AUTS2: variants seen among roughly 807,000 people sequenced by gnomAD.
AUTS2 encodes the protein autism susceptibility gene 2 protein.
Under a neutral mutation model 112.4 loss-of-function variants are expected in AUTS2, and 17 were observed. The observed-to-expected ratio is 0.15, with a 90% CI of 0.10 to 0.23. The LOEUF is 0.23. Among genes scored for constraint, AUTS2 ranks in the 10% least tolerant of loss-of-function variants. AUTS2 has a pLI of 1.00. For synonymous variants in AUTS2, 751 were observed against 702.7 expected (o/e 1.07, Z -1.09); for missense variants, 1,510 against 1,701.6 (o/e 0.89, Z 1.98).
At chr7:69,662,994 A>T (rs1795875039) in intron 1 of AUTS2, among the ~76,000 whole-genome samples, 1 of 152,194 alleles carries the variant, frequency 6.6e-6, no homozygotes, top group Admixed American at 6.5e-5. Flanking sequence ...TTACAAGTGG[A>T]TGTTATTAAA....
At position 70,270,928 on chromosome 7, in the gene AUTS2, G is replaced by C. The variant is rs193058219; in HGVS notation, c.660+136357G>C. 5.3e-5 allele frequency among the ~76,000 whole-genome samples: 8 copies of C among 152,270 alleles called. No homozygotes were observed. In the East Asian group the frequency reaches 1.5e-3, roughly 29 times the overall value. ...ATCACATTGGGCTTGACTGAAGACA[G>C]AAGTCCTTGAGCATCCTTCCCCTGA... On this transcript the variant is annotated intron_variant, in intron 4 of 18. Transcript: ENST00000342771.
chr7:70,355,752 A>T (rs1791981594), intron 4 of AUTS2, among the ~76,000 whole-genome samples: 1 of 152,150 alleles, frequency 6.6e-6, no homozygotes, highest in East Asian at 1.9e-4. Flanking sequence ...ACTGCAGCTG[A>T]TATATGACAC....
At chr7:70,701,846 T>A (rs954816632) in intron 6 of AUTS2, among the ~76,000 whole-genome samples, 4 of 152,222 alleles carry the variant, frequency 2.6e-5, no homozygotes, top group African/African-American at 9.6e-5. Context: ...TCTGTCTTTG[T>A]GATTCAACCA....
At chr7:69,872,701 G>A (rs1017040592) in intron 1 of AUTS2, among the ~76,000 whole-genome samples, 8 of 151,826 alleles carry the variant, frequency 5.3e-5, no homozygotes, top group African/African-American at 1.9e-4. Context: ...TACAGTGGTT[G>A]GTAGGAAGTA....
chr7:70,668,115 G>A (rs1807441488), intron 5 of AUTS2, among the ~76,000 whole-genome samples: 1 of 152,192 alleles, frequency 6.6e-6, no homozygotes, highest in Non-Finnish European at 1.5e-5. Flanking sequence ...ACGTAGGTGG[G>A]ACTTTAGGTG....
At chr7:69,763,132 C>G (rs1048532334) in intron 1 of AUTS2, among the ~76,000 whole-genome samples, 24 of 152,152 alleles carry the variant, frequency 1.6e-4, no homozygotes, top group African/African-American at 5.6e-4. Context: ...TGCATCACAC[C>G]TTTTAATAAG....
At chr7:69,761,239 G>A (rs1346978837) in intron 1 of AUTS2, among the ~76,000 whole-genome samples, 2 of 152,226 alleles carry the variant, frequency 1.3e-5, no homozygotes, top group African/African-American at 2.4e-5. Context: ...ACCTGGATTA[G>A]CTGGATAAAG....
chr7:70,383,540 G>C (rs1049113619), intron 4 of AUTS2, among the ~76,000 whole-genome samples: 4 of 152,198 alleles, frequency 2.6e-5, no homozygotes, highest in African/African-American at 9.6e-5. Flanking sequence ...TCTATCTTAT[G>C]AGTAGCTAAA....
chr7:70,229,296 T>C (rs1275112991), intron 4 of AUTS2, among the ~76,000 whole-genome samples: 1 of 152,126 alleles, frequency 6.6e-6, no homozygotes, highest in Admixed American at 6.6e-5. Context: ...AGGGGATTTC[T>C]TAATTTTGCC....
At position 69,645,967 on chromosome 7, in the gene AUTS2, A is replaced by AT. The variant is rs751243685; in HGVS notation, c.309+46023dup. Among the ~76,000 whole-genome samples the AT allele has an allele frequency of 4.8e-3, 642 of 134,208 alleles. 3 individuals are homozygous for AT. Among genetic ancestry groups the AT allele is most frequent in the South Asian group, 8.4e-3 (34 of 4,068 alleles). The allele number at this position is 134,208 out of a possible 152,430, so 88.0% of individuals were successfully genotyped here. On this transcript the variant is annotated intron_variant, in intron 1 of 18. Coordinates refer to ENST00000342771, the MANE Select transcript of AUTS2 (RefSeq NM_015570.4). ...GGGGGTGTCAGCTGAAACGGTCTGG[A>AT]TTTTTTTTTTTTTTTTTTCTCCTTC...
intron 1 of AUTS2, among the ~76,000 whole-genome samples, chr7:69,684,201 A>G (rs1409393158): frequency 1.3e-5 from 2 of 152,170 alleles, no homozygotes; most frequent in Non-Finnish European, 2.9e-5. Flanking sequence ...TAAAGGAGCA[A>G]CTGGAGAAAG....
At chr7:70,028,937 A>G (rs1207596842) in intron 2 of AUTS2, among the ~76,000 whole-genome samples, 2 of 152,052 alleles carry the variant, frequency 1.3e-5, no homozygotes, top group Non-Finnish European at 2.9e-5. Context: ...CTTTTACTCC[A>G]AACACTGTAC....
At chr7:69,945,911 A>G (rs1256792884) in intron 2 of AUTS2, among the ~76,000 whole-genome samples, 2 of 152,106 alleles carry the variant, frequency 1.3e-5, no homozygotes, top group African/African-American at 4.8e-5. Context: ...GCTGTGGCTC[A>G]CGGCAGCCTT....
At position 70,185,733 on chromosome 7, in the gene AUTS2, C is replaced by T. The variant is rs576337668; in HGVS notation, c.660+51162C>T. ...CTCAAGCCTATGTAGTTTGGACCTTCATGTCTTTACATGTGTAGAATCAAA... is the reference window on the plus strand; with the variant it reads ...CTCAAGCCTATGTAGTTTGGACCTTTATGTCTTTACATGTGTAGAATCAAA... On this transcript the variant is annotated intron_variant, in intron 4 of 18. Transcript: ENST00000342771. 3.9e-4 allele frequency among the ~76,000 whole-genome samples: 60 copies of T among 152,270 alleles called. 1 individual carries two copies. The highest frequency in any genetic ancestry group is 3.9e-3 in the Admixed American group (59 of 15,292).
chr7:70,738,551 G>A (rs1057172784), intron 6 of AUTS2, among the ~76,000 whole-genome samples: 1 of 151,936 alleles, frequency 6.6e-6, no homozygotes, highest in Non-Finnish European at 1.5e-5. Flanking sequence ...GGTACGTGGT[G>A]GGCATGAAGA....
intron 2 of AUTS2, among the ~76,000 whole-genome samples, chr7:70,112,486 G>A (rs972625971): frequency 1.3e-5 from 2 of 151,812 alleles, no homozygotes; most frequent in East Asian, 1.9e-4. Flanking sequence ...TAACCTCTGC[G>A]TCCTTTTTCA....
At chr7:69,927,818 A>T (rs901151789) in intron 2 of AUTS2, among the ~76,000 whole-genome samples, 2 of 152,208 alleles carry the variant, frequency 1.3e-5, no homozygotes, top group Non-Finnish European at 2.9e-5. Context: ...GTGGGCACCA[A>T]TGTCTCTGGA....
intron 4 of AUTS2, among the ~76,000 whole-genome samples, chr7:70,252,415 T>C (rs1786649637): frequency 6.6e-6 from 1 of 152,196 alleles, no homozygotes; most frequent in South Asian, 2.1e-4. Flanking sequence ...GAAGTATCTA[T>C]TTAGGCCCTT....
At chr7:70,383,583 T>G (rs1454898574) in intron 4 of AUTS2, among the ~76,000 whole-genome samples, 1 of 152,238 alleles carries the variant, frequency 6.6e-6, no homozygotes, top group Non-Finnish European at 1.5e-5. Flanking sequence ...TGAGGCATTC[T>G]TCGCAGCACA....
Sources: allele counts gnomAD v4.1 joint callset (sites outside exome capture counted in the v4.1 genomes callset), GRCh38; gene constraint gnomAD v4.1.1; transcripts MANE v1.5; gene names NCBI Gene and HGNC (gene_info 2026-07-23, HGNC 2026-07-21).